The following FMN1 variants were observed in gnomAD, a reference collection of about 807,000 sequenced individuals.
FMN1 encodes the protein formin 1.
A neutral mutation model predicts 132.4 loss-of-function variants in FMN1; 110 were observed. That is an observed-to-expected ratio of 0.83 (90% CI 0.71 to 0.97). FMN1 has a LOEUF of 0.97. FMN1 is among the 50% of genes least tolerant of loss of function. The probability of loss-of-function intolerance (pLI) is 0.00; values close to 1 mark genes in which losing one functional copy is unlikely to be tolerated. For synonymous variants in FMN1, 722 were observed against 651.7 expected (o/e 1.11, Z -1.64); for missense variants, 1,792 against 1,705.3 (o/e 1.05, Z -0.90).
At position 33,154,061 on chromosome 15, in the gene FMN1, G is replaced by A. The variant is rs1431648171; in HGVS notation, c.854C>T (p.Pro285Leu). 1.2e-5 allele frequency: 18 copies of A among 1,535,868 alleles called. No individual in the cohort carries two copies. Among genetic ancestry groups the A allele is most frequent in the Admixed American group, 2.0e-5 (1 of 50,960 alleles). ...TGTTTGCTGATGCTCCAGCCCGCTC[G>A]GCGGCCTCCGAATGCCATCCCCTCC... ...EAGGDGIRRP[P>L]SGLEHQQTGL... The change falls in exon 4 of 21, where the codon CCG (proline) becomes CTG (leucine). Residue 285 changes from proline to leucine, a missense_variant. Physicochemically the swap from Pro to Leu is moderately conservative, Grantham distance 98. Coordinates refer to ENST00000616417, the MANE Select transcript of FMN1 (RefSeq NM_001277313.2).
chr15:33,141,290 G>C (rs1383265120), intron 4 of FMN1, among the ~76,000 whole-genome samples: 1 of 151,886 alleles, frequency 6.6e-6, no homozygotes, highest in African/African-American at 2.4e-5. Context: ...TCACATTTCA[G>C]TTCAAAATCC....
chr15:33,089,928 A>G (rs2038846068), intron 4 of FMN1, among the ~76,000 whole-genome samples: 1 of 152,226 alleles, frequency 6.6e-6, no homozygotes, highest in South Asian at 2.1e-4. Flanking sequence ...AGCATATTAA[A>G]GACCTTGGGA....
At chr15:32,795,934 T>C (rs1419021608) in intron 19 of FMN1, among the ~76,000 whole-genome samples, 2 of 152,208 alleles carry the variant, frequency 1.3e-5, no homozygotes, top group African/African-American at 4.8e-5. Context: ...GTAAACCATA[T>C]TCCCCAGTGA....
At chr15:33,128,209 AAGC>A (rs1342037655) in intron 4 of FMN1, among the ~76,000 whole-genome samples, 4 of 152,224 alleles carry the variant, frequency 2.6e-5, no homozygotes, top group South Asian at 2.1e-4. Context: ...AAAAAGCAAA[AAGC>A]AGACTTACGA....
At position 32,833,329 on chromosome 15, in the gene FMN1, G is replaced by A. The variant is rs150471395; in HGVS notation, c.3928+23686C>T. Among the ~76,000 whole-genome samples the A allele has an allele frequency of 5.6e-3, 848 of 152,296 alleles. 7 individuals carry two copies. Among genetic ancestry groups the A allele is most frequent in the Non-Finnish European group, 6.0e-3 (411 of 68,024 alleles). ...AGGAAAGGGCTTGGGTTAAGGGAAT[G>A]TCTTATGAAGCAGCAGCTGTTTTAT... On this transcript the variant is annotated intron_variant, in intron 17 of 20. Coordinates refer to ENST00000616417, the MANE Select transcript of FMN1 (RefSeq NM_001277313.2).
intron 4 of FMN1, among the ~76,000 whole-genome samples, chr15:33,141,493 G>A (rs1209539437): frequency 6.6e-6 from 1 of 152,194 alleles, no homozygotes; most frequent in Admixed American, 6.5e-5. Flanking sequence ...CCTGAAAAGA[G>A]ATTCCATGCA....
intron 18 of FMN1, among the ~76,000 whole-genome samples, chr15:32,799,824 A>G (rs1368272044): frequency 6.6e-6 from 1 of 151,910 alleles, no homozygotes; most frequent in Admixed American, 6.6e-5. Flanking sequence ...CCTCACCCCC[A>G]CCTACCCCAA....
At chr15:32,877,155 C>T (rs1200354183) in intron 16 of FMN1, among the ~76,000 whole-genome samples, 2 of 152,054 alleles carry the variant, frequency 1.3e-5, no homozygotes, top group African/African-American at 2.4e-5. Flanking sequence ...GGCATGCTGG[C>T]GGGTGCCTGT....
At chr15:33,104,189 A>G (rs1477466514) in intron 4 of FMN1, among the ~76,000 whole-genome samples, 1 of 152,164 alleles carries the variant, frequency 6.6e-6, no homozygotes, top group Admixed American at 6.6e-5. Context: ...TGAGACTCAC[A>G]TTGGTAAGAA....
At chr15:33,012,542 G>T in intron 6 of FMN1, 1 of 1,525,502 alleles carries the variant, frequency 6.6e-7, no homozygotes, top group Non-Finnish European at 9.0e-7. Flanking sequence ...CGAGGCAGTG[G>T]CAAGAAAAGG....
intron 7 of FMN1, among the ~76,000 whole-genome samples, chr15:32,997,796 G>A (rs1049052188): frequency 2.0e-5 from 3 of 152,128 alleles, no homozygotes; most frequent in African/African-American, 7.2e-5. Flanking sequence ...CAAAGCTGCT[G>A]CCCTTTCAAT....
chr15:33,157,168 G>C (rs1020012074), intron 3 of FMN1, among the ~76,000 whole-genome samples: 2 of 151,890 alleles, frequency 1.3e-5, no homozygotes, highest in African/African-American at 4.8e-5. Flanking sequence ...AGGAGGCCGA[G>C]GCACGAGAAT....
intron 6 of FMN1, among the ~76,000 whole-genome samples, chr15:33,020,753 C>T (rs1056036558): frequency 5.3e-5 from 8 of 152,106 alleles, no homozygotes; most frequent in African/African-American, 1.9e-4. Context: ...AAACAGCACA[C>T]ATTTCCAACC....
chr15:33,023,534 A>T (rs1192483322), intron 6 of FMN1, among the ~76,000 whole-genome samples: 1 of 152,232 alleles, frequency 6.6e-6, no homozygotes, highest in East Asian at 1.9e-4. Flanking sequence ...TAAAATTCTG[A>T]TATATTAGAA....
intron 4 of FMN1, among the ~76,000 whole-genome samples, chr15:33,122,992 A>G (rs1409999980): frequency 6.6e-6 from 1 of 151,938 alleles, no homozygotes; most frequent in Non-Finnish European, 1.5e-5. Context: ...GTCACAAATA[A>G]AAAGACAGGC....
At chr15:32,784,520 T>C (rs570746076) in intron 19 of FMN1, among the ~76,000 whole-genome samples, 1 of 152,278 alleles carries the variant, frequency 6.6e-6, no homozygotes, top group African/African-American at 2.4e-5. Flanking sequence ...ATGAATATCT[T>C]AGAGGTAGAC....
intron 4 of FMN1, among the ~76,000 whole-genome samples, chr15:33,142,051 G>C (rs1964031782): frequency 2.0e-5 from 3 of 152,130 alleles, no homozygotes; most frequent in African/African-American, 7.2e-5. Context: ...TTTCAGATAT[G>C]TTTCCATTCT....
intron 6 of FMN1, among the ~76,000 whole-genome samples, chr15:33,044,149 C>A (rs564672705): frequency 1.3e-5 from 2 of 152,362 alleles, no homozygotes; most frequent in East Asian, 3.9e-4. Flanking sequence ...GCCCTCAAGA[C>A]TTTGGGCACC....
chr15:32,885,510 A>G (rs1442880203), intron 16 of FMN1, among the ~76,000 whole-genome samples: 2 of 152,224 alleles, frequency 1.3e-5, no homozygotes, highest in African/African-American at 4.8e-5. Flanking sequence ...TTACTTGAGC[A>G]CCACAAACTT....
Sources: gnomAD v4.1 joint callset for allele counts (sites outside exome capture counted in the v4.1 genomes callset) on GRCh38, gnomAD v4.1.1 for gene constraint, MANE v1.5 for transcripts, NCBI Gene and HGNC (gene_info 2026-07-23, HGNC 2026-07-21) for gene names.